NFRKB: variants seen among roughly 807,000 people sequenced by gnomAD.
The protein encoded by NFRKB is nuclear factor related to kappaB binding protein, also known as nuclear factor related to kappa-B-binding protein.
Under a neutral mutation model 135.7 loss-of-function variants are expected in NFRKB, and 62 were observed. The observed-to-expected ratio is 0.46, with a 90% CI of 0.37 to 0.56. NFRKB has a LOEUF of 0.56. Among genes scored for constraint, NFRKB ranks in the 20% least tolerant of loss-of-function variants. The pLI is 0.00. For synonymous variants in NFRKB, 678 were observed against 635.6 expected (o/e 1.07, Z -1.00); for missense variants, 1,545 against 1,662.0 (o/e 0.93, Z 1.22).
At chr11:129,865,755 A>C (rs1460960956) in intron 25 of NFRKB, 122 bp downstream of exon 25, 1 of 748,484 alleles carries the variant, frequency 1.3e-6, no homozygotes, top group Admixed American at 2.0e-5. Context: ...ACAATAAAGC[A>C]GAGGTGTCAA....
At chr11:129,890,247 G>C (rs557670085) in intron 3 of NFRKB, among the ~76,000 whole-genome samples, 3 of 152,144 alleles carry the variant, frequency 2.0e-5, no homozygotes, top group Non-Finnish European at 4.4e-5. Flanking sequence ...TTGCATGAAC[G>C]TATCAAAAAC....
At chr11:129,869,357 G>A in intron 24 of NFRKB, 137 bp downstream of exon 24, 1 of 907,074 alleles carries the variant, frequency 1.1e-6, no homozygotes. Context: ...GGGTAAACGA[G>A]GTGCTTTTAG....
At chr11:129,873,597 C>G (rs749643959) in intron 22 of NFRKB, 148 bp downstream of exon 22, 1 of 1,132,046 alleles carries the variant, frequency 8.8e-7, no homozygotes, top group African/African-American at 1.6e-5. Context: ...CAGCTCTGAA[C>G]ATTCAGTGGC....
rs1426162382 is a variant in NFRKB, at chr11:129,864,185, A to G, written c.*540T>C. 2.0e-5 allele frequency: 3 copies of G among 152,618 alleles called. No homozygotes were observed. The highest frequency in any genetic ancestry group is 4.4e-5 in the Non-Finnish European group (3 of 68,380). 9.5% of individuals were successfully genotyped at this position (152,618 alleles called of 1,614,324 possible). A position where few individuals can be genotyped will look rare whatever the true frequency, so the allele number is the denominator to read the frequency against. ...TTACTAAGATTCTTGCCATTTTCTC[A>G]TTCTAGTCAAAAAAGTAAGTCATCG... is the stretch of plus-strand genomic sequence containing the variant. On this transcript the variant is annotated 3_prime_UTR_variant, in exon 27 of 27. Coordinates refer to ENST00000682444, the MANE Select transcript of NFRKB (RefSeq NM_001143835.2).
intron 24 of NFRKB, among the ~76,000 whole-genome samples, chr11:129,866,770 T>C (rs899148543): frequency 6.6e-6 from 1 of 152,172 alleles, no homozygotes; most frequent in Non-Finnish European, 1.5e-5. Flanking sequence ...TGAAATCTTA[T>C]GTAAATTAAA....
In NFRKB at chr11:129,870,028, G is replaced by C; in HGVS notation, c.2997C>G (p.Gly999=). 1.2e-6 allele frequency: 2 copies of C among 1,614,246 alleles called. No individual in the cohort carries two copies. Among genetic ancestry groups the C allele is most frequent in the Non-Finnish European group, 1.7e-6 (2 of 1,180,040 alleles). Reference sequence around the variant, plus strand: ...CAGAGATGCCTTTGCCTGTAGTGTTGCCTCCTGTCCCGAAGAGGTCCTGGG... The same window carrying C: ...CAGAGATGCCTTTGCCTGTAGTGTTCCCTCCTGTCCCGAAGAGGTCCTGGG... The part of the protein sequence containing the change: ...KLTQDLFGTG[G]NTTGKGISAT... Residue 999 remains glycine, a synonymous_variant, in exon 24 of 27, where the codon GGC becomes GGG. Coordinates refer to ENST00000682444, the MANE Select transcript of NFRKB (RefSeq NM_001143835.2).
At chr11:129,876,685 G>A in intron 17 of NFRKB, 36 bp downstream of exon 17, 1 of 1,596,880 alleles carries the variant, frequency 6.3e-7, no homozygotes, top group Admixed American at 1.7e-5. Context: ...GCGGGGTGAA[G>A]AAAGGGATCT....
At chr11:129,875,652 CTT>C (rs761583169) in intron 17 of NFRKB, among the ~76,000 whole-genome samples, 189 bp from the exon 18 acceptor site, 1,172 of 101,728 alleles carry the variant, frequency 0.012, 12 homozygotes, top group African/African-American at 0.041. Flanking sequence ...CTATACACTT[CTT>C]TTTTTTTTTT....
At position 129,870,053 on chromosome 11, in the gene NFRKB, G is replaced by T; in HGVS notation, c.2972C>A (p.Thr991Asn). Residue 991 changes from threonine to asparagine, a missense_variant, in exon 24 of 27, where the codon ACC becomes AAC. Thr to Asn is a moderately conservative substitution (Grantham distance 65). Around this residue, in one of 3 missense-constraint regions of NFRKB, gnomAD observed 753 missense variants for 804.3 expected, o/e 0.94. Coordinates refer to ENST00000682444, the MANE Select transcript of NFRKB (RefSeq NM_001143835.2). ...GCCTCCTGTCCCGAAGAGGTCCTGGGTCAATTTGACTGTGGTAACCTGGGA... is the reference window on the plus strand; with the variant it reads ...GCCTCCTGTCCCGAAGAGGTCCTGGTTCAATTTGACTGTGGTAACCTGGGA... ...AKSQVTTVKL[T>N]QDLFGTGGNT... 6.2e-7 allele frequency: 1 copy of T among 1,614,258 alleles called. No individual in the cohort carries two copies. The highest frequency in any genetic ancestry group is 8.5e-7 in the Non-Finnish European group (1 of 1,180,044).
intron 23 of NFRKB, 27 bp from the exon 24 acceptor site, chr11:129,870,288 A>AGG (rs1948440003): frequency 6.3e-6 from 10 of 1,597,546 alleles, no homozygotes; most frequent in Middle Eastern, 1.7e-4. Context: ...AGCACTGATG[A>AGG]GGGATTCACA....
chr11:129,875,231 G>C (rs900965867), intron 18 of NFRKB, 126 bp downstream of exon 18: 4 of 848,818 alleles, frequency 4.7e-6, no homozygotes, highest in Non-Finnish European at 7.3e-6. Context: ...TGATCACTAT[G>C]CATTTTTCAA....
At chr11:129,875,260 TTCAG>T in intron 18 of NFRKB, 93 bp downstream of exon 18, 1 of 1,033,138 alleles carries the variant, frequency 9.7e-7, no homozygotes. Flanking sequence ...TTTCACTTCA[TTCAG>T]TTTTTAAAAA....
At chr11:129,866,058 A>G (rs1565384897) in intron 24 of NFRKB, 75 bp from the exon 25 acceptor site, 2 of 1,253,956 alleles carry the variant, frequency 1.6e-6, no homozygotes, top group Non-Finnish European at 2.2e-6. Flanking sequence ...CCAGGGCATC[A>G]GGAACTGAGA....
At chr11:129,868,299 G>T (rs529374063) in intron 24 of NFRKB, among the ~76,000 whole-genome samples, 37 of 152,336 alleles carry the variant, frequency 2.4e-4, no homozygotes, top group African/African-American at 8.4e-4. Context: ...AAGTGGCAAA[G>T]ATTTACTCAC....
rs932274136 is a variant in NFRKB, at chr11:129,895,570, A to T, written c.-176T>A. The T allele has an allele frequency of 1.3e-5, 2 of 152,106 alleles. No individual in the cohort carries two copies. The highest frequency in any genetic ancestry group is 3.9e-4 in the East Asian group (2 of 5,168). 9.4% of individuals were successfully genotyped at this position (152,106 alleles called of 1,614,324 possible). A position where few individuals can be genotyped will look rare whatever the true frequency, so the allele number is the denominator to read the frequency against. On this transcript the variant is annotated 5_prime_UTR_variant, in exon 1 of 27. Coordinates refer to ENST00000682444, the MANE Select transcript of NFRKB (RefSeq NM_001143835.2). ...GGCTCCCAGACGCACTCGCTCCCGC[A>T]AGGAGTCTGGGTGCGCGCACGCTCT...
chr11:129,877,458 AC>A, intron 15 of NFRKB, 73 bp from the exon 16 acceptor site: 1 of 1,329,564 alleles, frequency 7.5e-7, no homozygotes. Flanking sequence ...CTGCTTCAGA[AC>A]CATTCCCACT....
intron 13 of NFRKB, 147 bp from the exon 14 acceptor site, chr11:129,878,690 G>A (rs1171883634): frequency 1.4e-6 from 1 of 703,136 alleles, no homozygotes; most frequent in Non-Finnish European, 2.4e-6. Flanking sequence ...CTGCCTTCCA[G>A]CTGGCGGAAG....
Position 129,873,019 on chromosome 11 carries a change from C to T in NFRKB, c.2628G>A (p.Gly876=). The T allele has an allele frequency of 6.2e-7, 1 of 1,614,188 alleles. No individual in the cohort carries two copies. Among genetic ancestry groups the T allele is most frequent in the Non-Finnish European group, 8.5e-7 (1 of 1,180,036 alleles). ...TGGCAGGGAGACTTGTCACCGTGAGCCCTGTCTGCCCGGGTCCAGGCCGCT... is the reference window on the plus strand; with the variant it reads ...TGGCAGGGAGACTTGTCACCGTGAGTCCTGTCTGCCCGGGTCCAGGCCGCT... ...TVQRPGPGQT[G]LTVTSLPATA... is the part of the protein sequence containing the mutation. The change falls in exon 23 of 27, where the codon GGG becomes GGA. Residue 876 remains glycine, a synonymous_variant. Coordinates refer to ENST00000682444, the MANE Select transcript of NFRKB (RefSeq NM_001143835.2).
intron 15 of NFRKB, among the ~76,000 whole-genome samples, chr11:129,878,107 G>A (rs770926699): frequency 4.6e-5 from 7 of 152,154 alleles, no homozygotes; most frequent in Non-Finnish European, 7.4e-5. Flanking sequence ...CTCTCCTGCC[G>A]TCCCCTCTCT....
Sources: gnomAD v4.1 joint callset for allele counts (sites outside exome capture counted in the v4.1 genomes callset) on GRCh38, gnomAD v4.1.1 for gene constraint, gnomAD v4.1.1 regional missense constraint, MANE v1.5 for transcripts, NCBI Gene and HGNC (gene_info 2026-07-23, HGNC 2026-07-21) for gene names.